Variants in NSD1 observed in about 807,000 individuals in gnomAD.
The protein encoded by NSD1 is nuclear receptor binding SET domain protein 1, also known as histone-lysine N-methyltransferase, H3 lysine-36 specific.
A neutral mutation model predicts 242.7 loss-of-function variants in NSD1; 26 were observed. That is an observed-to-expected ratio of 0.11 (90% confidence interval 0.08 to 0.15). The LOEUF (loss-of-function observed/expected upper bound fraction) is 0.15, where lower values mean the gene tolerates loss of function less well. Among genes scored for constraint, NSD1 ranks in the 10% least tolerant of loss-of-function variants. NSD1 has a pLI of 1.00. For missense variants in NSD1, 2,495 were observed against 3,272.8 expected (o/e 0.76, Z 5.80); for synonymous variants, 1,106 against 1,178.1 (o/e 0.94, Z 1.25).
At chr5:177,221,151 G>A in intron 5 of NSD1, 1 of 353,408 alleles carries the variant, frequency 2.8e-6, no homozygotes, top group Non-Finnish European at 5.7e-6. Context: ...GGGATTACAG[G>A]TGTGAGCCAC....
chr5:177,249,589 C>T (rs1022820704), intron 11 of NSD1, among the ~76,000 whole-genome samples: 2 of 151,572 alleles, frequency 1.3e-5, no homozygotes, highest in Admixed American at 6.6e-5. Flanking sequence ...GCCTCAGCCT[C>T]CCATTCTCCT....
chr5:177,232,591 A>G (rs2149879540), intron 5 of NSD1, among the ~76,000 whole-genome samples: 1 of 152,326 alleles, frequency 6.6e-6, no homozygotes, highest in South Asian at 2.1e-4. Context: ...GGATTTTCCC[A>G]TGCAATTATA....
chr5:177,249,385 T>A (rs1755720037), intron 11 of NSD1, among the ~76,000 whole-genome samples: 1 of 152,052 alleles, frequency 6.6e-6, no homozygotes, highest in Admixed American at 6.5e-5. Flanking sequence ...AGGTCAAGAT[T>A]ACAGACTTGT....
rs775549259 is a variant in NSD1 at position 177,210,336 on chromosome 5, G to A, written c.1937G>A (p.Ser646Asn). 21 of 1,614,064 alleles carry A rather than the reference G, an allele frequency of 1.3e-5. No individual in the cohort carries two copies. The South Asian group carries it at 1.9e-4, about 14-fold the overall frequency. ...ISICTTSDDG[S>N]SDLDPIEHSS... The stretch of plus-strand genomic sequence containing the variant: ...ATCTGTACCACTTCTGATGATGGAA[G>A]CAGTGACCTGGATCCCATAGAACAC... The change falls in exon 5 of 23, where the codon AGC (serine) becomes AAC (asparagine). Residue 646 changes from serine (S) to asparagine (N), a missense_variant. Ser to Asn is a conservative substitution (Grantham distance 46, BLOSUM62 1). Around this residue, in one of 19 missense-constraint regions of NSD1, gnomAD observed 515 missense variants for 467.0 expected, o/e 1.10. Transcript: ENST00000439151.
chr5:177,132,587 G>T (rs10475643), upstream of NSD1, among the ~76,000 whole-genome samples: 9,565 of 151,932 alleles, frequency 0.063, 1,010 homozygotes, highest in African/African-American at 0.22. The surrounding 1 kb of genome is among the most constrained non-coding windows in gnomAD (Gnocchi z 7.5). Context: ...TGGGGACTCG[G>T]CCTCCCTGGG....
Position 177,294,689 on chromosome 5 carries a change from C to T in NSD1, c.7321C>T (p.Pro2441Ser), listed in dbSNP as rs1249673539. 1 of 1,614,218 alleles carries T rather than the reference C, an allele frequency of 6.2e-7. No homozygotes were observed. Among genetic ancestry groups the T allele is most frequent in the South Asian group, 1.1e-5 (1 of 91,088 alleles). The change falls in exon 23 of 23, where the codon CCT (proline) becomes TCT (serine). Residue 2441 changes from proline to serine, a missense_variant. Coordinates refer to ENST00000439151, the MANE Select transcript of NSD1 (RefSeq NM_022455.5). ...TLVAKEKALRPVDQNTQSKNR... is the reference protein window; with the variant it reads ...TLVAKEKALRSVDQNTQSKNR... Reference sequence around the variant, plus strand: ...TGTAGCTAAAGAAAAAGCACTGAGGCCTGTGGACCAGAATACTCAGTCAAA... The same window carrying T: ...TGTAGCTAAAGAAAAAGCACTGAGGTCTGTGGACCAGAATACTCAGTCAAA...
intron 2 of NSD1, among the ~76,000 whole-genome samples, chr5:177,160,913 C>G (rs1320067934): frequency 6.6e-6 from 1 of 151,906 alleles, no homozygotes; most frequent in Non-Finnish European, 1.5e-5. Flanking sequence ...GGACTACAGC[C>G]ATGAGCCACC....
At position 177,210,744 on chromosome 5, in the gene NSD1, G is replaced by A. The variant is rs769773081; in HGVS notation, c.2345G>A (p.Ser782Asn). The change falls in exon 5 of 23, where the codon AGC becomes AAC. Residue 782 changes from serine (S) to asparagine (N), a missense_variant. By Grantham distance (46) the Ser-to-Asn change is conservative. Coordinates refer to ENST00000439151, the MANE Select transcript of NSD1 (RefSeq NM_022455.5). ...AATCAAGCTCTATTACATTCGAAAAGCAAACAGCCCAAGTTCCGAAGTATA... is the reference window on the plus strand; with the variant it reads ...AATCAAGCTCTATTACATTCGAAAAACAAACAGCCCAAGTTCCGAAGTATA... ...AANQALLHSK[S>N]KQPKFRSIKC... The A allele has an allele frequency of 3.7e-6, 6 of 1,614,042 alleles. No homozygotes were observed. The highest frequency in any genetic ancestry group is 5.1e-6 in the Non-Finnish European group (6 of 1,180,042).
intron 20 of NSD1, among the ~76,000 whole-genome samples, chr5:177,286,585 T>A (rs1204009039): frequency 6.6e-6 from 1 of 152,234 alleles, no homozygotes; most frequent in Non-Finnish European, 1.5e-5. Context: ...CTATGTTACT[T>A]TTATCCTTGG....
intron 2 of NSD1, among the ~76,000 whole-genome samples, chr5:177,158,234 CTAATTTCTTTCT>C (rs1258410652): frequency 9.7e-5 from 13 of 133,504 alleles, no homozygotes; most frequent in African/African-American, 3.0e-4. Flanking sequence ...TATATGGGTT[CTAATTTCTTTCT>C]TTCTTTCTTT....
At chr5:177,256,204 AT>A (rs1756441060) in intron 12 of NSD1, among the ~76,000 whole-genome samples, 1 of 146,842 alleles carries the variant, frequency 6.8e-6, no homozygotes, top group Non-Finnish European at 1.5e-5. Flanking sequence ...ATGTCGGGTG[AT>A]TTCCTGTAGT....
intron 2 of NSD1, among the ~76,000 whole-genome samples, chr5:177,148,131 T>C (rs63032961): frequency 1.3e-5 from 2 of 150,576 alleles, no homozygotes; most frequent in African/African-American, 2.4e-5. Flanking sequence ...TTTTTTTTTT[T>C]CCTGAGAGGG....
intron 4 of NSD1, among the ~76,000 whole-genome samples, chr5:177,204,584 T>A (rs954049643): frequency 2.6e-5 from 4 of 152,186 alleles, no homozygotes; most frequent in African/African-American, 9.7e-5. Flanking sequence ...ACTCCTGAGC[T>A]CAAGCAGCTT....
rs61538775 is a variant in NSD1, at chr5:177,264,028, A to ATTTTTTTTTTTTTTTTT, written c.5147-3524_5147-3508dup. Among the ~76,000 whole-genome samples the ATTTTTTTTTTTTTTTTT allele has an allele frequency of 8.4e-3, 643 of 76,360 alleles. 115 individuals are homozygous for ATTTTTTTTTTTTTTTTT. The highest frequency in any genetic ancestry group is 0.025 in the Middle Eastern group (3 of 118). 50.1% of individuals were successfully genotyped at this position (76,360 alleles called of 152,430 possible). A position where few individuals can be genotyped will look rare whatever the true frequency, so the allele number is the denominator to read the frequency against. ...AAGATGCATATGACTCAATGAACCA[A>ATTTTTTTTTTTTTTTTT]TTTTTTTTTTTTTTTTTTTTTTTTT... On this transcript the variant is annotated intron_variant, in intron 14 of 22. Coordinates refer to ENST00000439151, the MANE Select transcript of NSD1 (RefSeq NM_022455.5).
chr5:177,236,231 A>G (rs1316325109), intron 6 of NSD1, among the ~76,000 whole-genome samples: 1 of 152,210 alleles, frequency 6.6e-6, no homozygotes, highest in Non-Finnish European at 1.5e-5. Context: ...TATAGGCTAT[A>G]AAGTGAAATA....
intron 5 of NSD1, among the ~76,000 whole-genome samples, chr5:177,219,756 G>A (rs2149861968): frequency 6.6e-6 from 1 of 152,230 alleles, no homozygotes; most frequent in African/African-American, 2.4e-5. Context: ...GAGGTCAGGA[G>A]TTCAAGACCA....
chr5:177,270,152 G>GGAGTC lies in NSD1; in HGVS notation c.5509+346_5509+350dup, dbSNP rs535982556. Reference sequence around the variant, plus strand: ...TCTAGCAGAGCTACATTTGCTCCAAGGAGTCTTGTCTTGTCTTGTCTTGTC... The same window carrying GGAGTC: ...TCTAGCAGAGCTACATTTGCTCCAAGGAGTCGAGTCTTGTCTTGTCTTGTCTTGTC... On this transcript the variant is annotated intron_variant, in intron 16 of 22. Transcript: ENST00000439151. Among the ~76,000 whole-genome samples the GGAGTC allele has an allele frequency of 1.0e-4, 9 of 88,024 alleles. No homozygotes were observed. The East Asian group carries it at 1.9e-3, about 19-fold the overall frequency. 57.7% of individuals were successfully genotyped at this position (88,024 alleles called of 152,430 possible). A position where few individuals can be genotyped will look rare whatever the true frequency, so the allele number is the denominator to read the frequency against.
Position 177,135,291 on chromosome 5 carries a change from A to G in NSD1, c.188A>G (p.Gln63Arg), listed in dbSNP as rs1756219351. ...VSGTSQNAYG[Q>R]DSPSCYIPLR... ...GGAACATCCCAAAATGCTTATGGAC[A>G]AGATTCTCCATCTTGTTACATTCCA... The change falls in exon 2 of 23, where the codon CAA becomes CGA. Residue 63 changes from glutamine (Q) to arginine (R), a missense_variant. Physicochemically the swap from Gln to Arg is conservative, Grantham distance 43. This residue lies in a region of NSD1 where 376 missense variants were observed against 367.4 expected (regional missense o/e 1.02). Transcript: ENST00000439151. 1 of 1,613,608 alleles carries G rather than the reference A, an allele frequency of 6.2e-7. No individual in the cohort carries two copies. The highest frequency in any genetic ancestry group is 8.5e-7 in the Non-Finnish European group (1 of 1,179,508).
At chr5:177,231,924 G>A (rs1188036786) in intron 5 of NSD1, among the ~76,000 whole-genome samples, 6 of 151,958 alleles carry the variant, frequency 3.9e-5, no homozygotes, top group African/African-American at 1.5e-4. Flanking sequence ...TTTACAGATA[G>A]GGTTTTGCTG....
Sources: gnomAD v4.1 joint callset for allele counts (sites outside exome capture counted in the v4.1 genomes callset) on GRCh38, gnomAD v4.1.1 for gene constraint, gnomAD v4.1.1 regional missense constraint, Gnocchi (gnomAD v3.1) non-coding constraint, MANE v1.5 for transcripts, NCBI Gene and HGNC (gene_info 2026-07-23, HGNC 2026-07-21) for gene names.